The following DPP10 variants were observed in gnomAD, a reference collection of about 807,000 sequenced individuals.
DPP10 encodes the protein inactive dipeptidyl peptidase 10.
A neutral mutation model predicts 120.9 loss-of-function variants in DPP10; 33 were observed. The observed-to-expected ratio is 0.27, with a 90% CI of 0.21 to 0.37. DPP10 has a LOEUF of 0.37. Ranked by LOEUF, DPP10 falls within the 10% of genes least tolerant of loss-of-function variation. The pLI is 1.00. For missense variants in DPP10, 816 were observed against 942.8 expected (o/e 0.87, Z 1.76); for synonymous variants, 337 against 326.1 (o/e 1.03, Z -0.36).
At chr2:115,600,087 T>C (rs1273310812) in intron 5 of DPP10, among the ~76,000 whole-genome samples, 1 of 152,106 alleles carries the variant, frequency 6.6e-6, no homozygotes, top group African/African-American at 2.4e-5. Context: ...GTTTTTTTGA[T>C]GAGAAGTCAT....
At chr2:115,554,750 A>G (rs917333464) in intron 5 of DPP10, among the ~76,000 whole-genome samples, 3 of 152,118 alleles carry the variant, frequency 2.0e-5, no homozygotes, top group African/African-American at 7.2e-5. Flanking sequence ...AGGCAGTCTT[A>G]ATAATTTTCA....
chr2:115,487,085 C>A (rs1223616079), intron 3 of DPP10, among the ~76,000 whole-genome samples: 1 of 151,988 alleles, frequency 6.6e-6, no homozygotes, highest in Non-Finnish European at 1.5e-5. Context: ...TTTAAAACAA[C>A]AGACAAACAG....
At chr2:115,691,844 A>C (rs1291402653) in intron 7 of DPP10, among the ~76,000 whole-genome samples, 2 of 152,138 alleles carry the variant, frequency 1.3e-5, no homozygotes, top group African/African-American at 2.4e-5. Context: ...AATATCTCAA[A>C]TTTTACAATT....
intron 1 of DPP10, among the ~76,000 whole-genome samples, chr2:114,740,933 G>A (rs753473139): frequency 3.3e-5 from 5 of 152,072 alleles, no homozygotes; most frequent in Non-Finnish European, 5.9e-5. Context: ...AATGATTATT[G>A]TGAAATCTGT....
At chr2:115,740,287 T>TA (rs902156711) in intron 9 of DPP10, among the ~76,000 whole-genome samples, 15 of 151,468 alleles carry the variant, frequency 9.9e-5, no homozygotes, top group East Asian at 5.8e-4. Flanking sequence ...TGGAAGTTCT[T>TA]AAAAAAAAAT....
At chr2:114,594,521 A>G (rs1187540111) in intron 1 of DPP10, among the ~76,000 whole-genome samples, 1 of 147,812 alleles carries the variant, frequency 6.8e-6, no homozygotes, top group Non-Finnish European at 1.5e-5. Flanking sequence ...ACACACATAT[A>G]TGTGTAAAAG....
chr2:115,650,771 C>T (rs1301984985), intron 5 of DPP10, among the ~76,000 whole-genome samples: 4 of 151,812 alleles, frequency 2.6e-5, no homozygotes, highest in African/African-American at 7.3e-5. Flanking sequence ...TGCCCATGGT[C>T]TTTGTCTTCC....
At chr2:114,773,660 A>C in intron 1 of DPP10, among the ~76,000 whole-genome samples, 1 of 152,210 alleles carries the variant, frequency 6.6e-6, no homozygotes, top group East Asian at 1.9e-4. Flanking sequence ...TTCCATTTTT[A>C]ACACATTTCT....
Position 114,530,581 on chromosome 2 carries a change from G to A in DPP10, c.60+87743G>A, listed in dbSNP as rs185464190. Among the ~76,000 whole-genome samples the A allele has an allele frequency of 6.1e-4, 93 of 152,016 alleles. 1 individual carries two copies. The highest frequency in any genetic ancestry group is 5.4e-3 in the Admixed American group (83 of 15,256). On this transcript the variant is annotated intron_variant, in intron 1 of 25. Transcript: ENST00000410059. ...ATAGGTCTCAAATTCCATTTTTCACGAGCATCCACAATAAAACCTCAGAGC... is the reference window on the plus strand; with the variant it reads ...ATAGGTCTCAAATTCCATTTTTCACAAGCATCCACAATAAAACCTCAGAGC...
intron 3 of DPP10, among the ~76,000 whole-genome samples, chr2:115,487,166 TAC>T (rs1267187748): frequency 6.7e-6 from 1 of 149,488 alleles, no homozygotes; most frequent in African/African-American, 2.5e-5. Context: ...GAATCCAACT[TAC>T]AAGGGATGTG....
intron 1 of DPP10, among the ~76,000 whole-genome samples, chr2:114,600,832 A>T (rs1692300856): frequency 6.6e-6 from 1 of 151,874 alleles, no homozygotes; most frequent in Non-Finnish European, 1.5e-5. Flanking sequence ...ATCTCACTTA[A>T]ACTGAGAGTG....
chr2:115,294,888 C>T (rs553430647), intron 1 of DPP10, among the ~76,000 whole-genome samples: 172 of 152,112 alleles, frequency 1.1e-3, no homozygotes, highest in Non-Finnish European at 1.9e-3. Context: ...GCTGTCCCTC[C>T]CCAACCCCTC....
intron 1 of DPP10, among the ~76,000 whole-genome samples, chr2:114,717,208 G>A (rs1195557124): frequency 6.6e-6 from 1 of 152,174 alleles, no homozygotes; most frequent in East Asian, 1.9e-4. Flanking sequence ...TGCATATGGA[G>A]AAGACAGCAT....
chr2:115,796,826 A>C (rs186212954), intron 19 of DPP10, among the ~76,000 whole-genome samples: 1 of 152,118 alleles, frequency 6.6e-6, no homozygotes, highest in Non-Finnish European at 1.5e-5. Flanking sequence ...TACTGTCCTC[A>C]TGTTAACACA....
intron 3 of DPP10, among the ~76,000 whole-genome samples, chr2:115,451,580 G>A (rs371598063): frequency 6.6e-6 from 1 of 151,964 alleles, no homozygotes; most frequent in East Asian, 1.9e-4. Context: ...TTAATTAAAA[G>A]TGTTGTCAAG....
intron 1 of DPP10, among the ~76,000 whole-genome samples, chr2:114,747,690 C>T (rs1365096710): frequency 6.6e-6 from 1 of 152,194 alleles, no homozygotes; most frequent in Non-Finnish European, 1.5e-5. Context: ...GTTCTTTCTT[C>T]TCTGGATCAT....
chr2:115,760,034 A>G (rs1400620852), intron 11 of DPP10, among the ~76,000 whole-genome samples: 1 of 148,740 alleles, frequency 6.7e-6, no homozygotes, highest in Non-Finnish European at 1.5e-5. Context: ...AAAAACAAAC[A>G]AAAAAAAACC....
chr2:115,840,697 G>C, intron 24 of DPP10, 53 bp from the exon 25 acceptor site: 1 of 1,513,926 alleles, frequency 6.6e-7, no homozygotes, highest in Non-Finnish European at 9.1e-7. Flanking sequence ...ATATGAAAAA[G>C]TTCTCATACA....
At chr2:115,009,988 ACTT>A (rs1558986810) in intron 1 of DPP10, among the ~76,000 whole-genome samples, 1 of 152,152 alleles carries the variant, frequency 6.6e-6, no homozygotes, top group Non-Finnish European at 1.5e-5. Flanking sequence ...TTTGGCATCT[ACTT>A]CTTCATTTTG....
Sources: allele counts gnomAD v4.1 joint callset (sites outside exome capture counted in the v4.1 genomes callset), GRCh38; gene constraint gnomAD v4.1.1; transcripts MANE v1.5; gene names NCBI Gene and HGNC (gene_info 2026-07-23, HGNC 2026-07-21).